The following ZMYM1 variants were observed in gnomAD, a reference collection of about 807,000 sequenced individuals.
The protein encoded by ZMYM1 is zinc finger MYM-type protein 1.
ZMYM1 carries 39 observed loss-of-function variants against 60.0 expected under a neutral mutation model. The ratio of observed to expected loss-of-function variants is 0.65; its 90% CI spans 0.50 to 0.85. The LOEUF (loss-of-function observed/expected upper bound fraction) is 0.85, where lower values mean the gene tolerates loss of function less well. ZMYM1 is among the 40% of genes least tolerant of loss of function. The pLI is 0.00. For synonymous variants in ZMYM1, 413 were observed against 454.0 expected, an observed-to-expected ratio of 0.91 and a Z score of 1.15; for missense variants, 1,171 against 1,309.5, an observed-to-expected ratio of 0.89 and a Z score of 1.63.
intron 1 of ZMYM1, among the ~76,000 whole-genome samples, chr1:35,073,069 G>A (rs2148479458): frequency 6.6e-6 from 1 of 150,434 alleles, no homozygotes; most frequent in Admixed American, 6.6e-5. Flanking sequence ...GTGACAGAGT[G>A]AGATTCCATC....
intron 1 of ZMYM1, among the ~76,000 whole-genome samples, chr1:35,089,906 CTTT>C (rs750848210): frequency 2.4e-5 from 3 of 126,660 alleles, no homozygotes; most frequent in Non-Finnish European, 3.4e-5. Context: ...ATATAAGGCT[CTTT>C]TTTTTTTTTT....
chr1:35,104,812 G>C, intron 6 of ZMYM1, 43 bp downstream of exon 6: 1 of 1,540,048 alleles, frequency 6.5e-7, no homozygotes, highest in Non-Finnish European at 8.9e-7. Context: ...ACTGGCCTAT[G>C]AATGGTTTCA....
chr1:35,099,267 C>G (rs970434890), intron 4 of ZMYM1, among the ~76,000 whole-genome samples: 1 of 152,156 alleles, frequency 6.6e-6, no homozygotes, highest in Non-Finnish European at 1.5e-5. Context: ...TTCAACCCTT[C>G]AATACTATAC....
chr1:35,060,539 TTCC>T (rs1641855131), intron 1 of ZMYM1, among the ~76,000 whole-genome samples: 1 of 152,082 alleles, frequency 6.6e-6, no homozygotes. Flanking sequence ...CCAGGAGGAA[TTCC>T]TGGAGGAAGG....
chr1:35,060,986 C>T (rs1045978021), intron 1 of ZMYM1, among the ~76,000 whole-genome samples: 1 of 152,186 alleles, frequency 6.6e-6, no homozygotes, highest in Admixed American at 6.5e-5. Context: ...AGGCCATGAG[C>T]CTGGCTAGGC....
intron 2 of ZMYM1, 69 bp downstream of exon 2, chr1:35,094,152 G>A (rs1459127282): frequency 2.5e-5 from 34 of 1,363,556 alleles, no homozygotes; most frequent in South Asian, 1.3e-5. Flanking sequence ...TTACAAAGGT[G>A]CTGAAATGAT....
chr1:35,107,637 T>A (rs1016486408), intron 6 of ZMYM1, among the ~76,000 whole-genome samples: 1 of 152,212 alleles, frequency 6.6e-6, no homozygotes, highest in African/African-American at 2.4e-5. Context: ...TCTACAATGT[T>A]AGTGAACTAT....
At position 35,093,996 on chromosome 1, in the gene ZMYM1, A is replaced by G. The variant is rs34613549; in HGVS notation, c.9A>G (p.Glu3=). 1 of 1,595,774 alleles carries G rather than the reference A, an allele frequency of 6.3e-7. No individual in the cohort carries two copies. The highest frequency in any genetic ancestry group is 1.4e-5 in the African/African-American group (1 of 73,968). Residue 3 remains glutamate, a synonymous_variant, in exon 2 of 10, where the codon GAA becomes GAG. Coordinates refer to ENST00000359858, the MANE Select transcript of ZMYM1 (RefSeq NM_024772.5). ...TTGCATCAGATACTAAAATGAAAGA[A>G]CCACTTTTAGGTGGTGAGTGTGACA... MK[E]PLLGGECDKA... is the part of the protein sequence containing the mutation.
chr1:35,081,633 A>G (rs867005623), intron 1 of ZMYM1, among the ~76,000 whole-genome samples: 22 of 152,172 alleles, frequency 1.4e-4, no homozygotes, highest in African/African-American at 5.1e-4. Flanking sequence ...TTTGATATTT[A>G]TGATGCTGCA....
At chr1:35,086,788 TTC>T (rs1358891487) in intron 1 of ZMYM1, among the ~76,000 whole-genome samples, 5 of 151,652 alleles carry the variant, frequency 3.3e-5, no homozygotes, top group Admixed American at 2.6e-4. Flanking sequence ...GTTTAAGCAA[TTC>T]TCTGCCTCAG....
At chr1:35,078,535 TAA>T (rs1642215538), upstream of ZMYM1, among the ~76,000 whole-genome samples, 1 of 144,700 alleles carries the variant, frequency 6.9e-6, no homozygotes, top group African/African-American at 2.7e-5. Flanking sequence ...GGGGTTATTT[TAA>T]TTTTTTTTTT....
intron 1 of ZMYM1, among the ~76,000 whole-genome samples, chr1:35,081,163 T>C (rs1363514280): frequency 6.6e-6 from 1 of 152,064 alleles, no homozygotes; most frequent in Non-Finnish European, 1.5e-5. Flanking sequence ...CGACCTCAGC[T>C]GATCCACCCT....
At chr1:35,083,093 T>G (rs910858101) in intron 1 of ZMYM1, among the ~76,000 whole-genome samples, 12 of 152,322 alleles carry the variant, frequency 7.9e-5, no homozygotes, top group African/African-American at 2.9e-4. Context: ...TATAGAATTT[T>G]AAGTAGATTT....
intron 1 of ZMYM1, among the ~76,000 whole-genome samples, chr1:35,092,752 C>G (rs746925892): frequency 3.3e-5 from 5 of 151,958 alleles, no homozygotes; most frequent in Non-Finnish European, 4.4e-5. Context: ...CTCAGCCTAC[C>G]GAGTAGCTGG....
chr1:35,088,263 C>G (rs1274631470), intron 1 of ZMYM1, among the ~76,000 whole-genome samples: 1 of 151,360 alleles, frequency 6.6e-6, no homozygotes, highest in Non-Finnish European at 1.5e-5. Flanking sequence ...ACTAAAAATA[C>G]AAAAATTAGC....
intron 1 of ZMYM1, among the ~76,000 whole-genome samples, chr1:35,080,310 G>C (rs1204504631): frequency 2.8e-5 from 4 of 145,298 alleles, no homozygotes; most frequent in Non-Finnish European, 6.0e-5. Context: ...ATATATTTGT[G>C]CTTCTTTTTT....
intron 1 of ZMYM1, among the ~76,000 whole-genome samples, chr1:35,086,607 T>C (rs34941865): frequency 6.6e-6 from 1 of 152,210 alleles, no homozygotes; most frequent in Non-Finnish European, 1.5e-5. Context: ...TTCATCGTCA[T>C]GCAGTTTCCT....
In ZMYM1 at chr1:35,115,399, CA is replaced by C. The variant is rs1187991468; in HGVS notation, c.*145del. On this transcript the variant is annotated 3_prime_UTR_variant, in exon 10 of 10. Coordinates refer to ENST00000359858, the MANE Select transcript of ZMYM1 (RefSeq NM_024772.5). ...TCCTTTAGAACTCATTTTCTCTTCC[CA>C]AAAAGTGTTATCTTTTCCTTAAATA... 2.8e-5 allele frequency: 29 copies of C among 1,035,926 alleles called. No homozygotes were observed. Among genetic ancestry groups the C allele is most frequent in the Non-Finnish European group, 3.8e-5 (28 of 746,274 alleles). 64.2% of individuals were successfully genotyped at this position (1,035,926 alleles called of 1,614,324 possible). A position where few individuals can be genotyped will look rare whatever the true frequency, so the allele number is the denominator to read the frequency against.
Position 35,094,024 on chromosome 1 carries a change from G to A in ZMYM1, c.37G>A (p.Ala13Thr). 3 of 1,610,908 alleles carry A rather than the reference G, an allele frequency of 1.9e-6. No homozygotes were observed. Among genetic ancestry groups the A allele is most frequent in the Non-Finnish European group, 2.5e-6 (3 of 1,178,260 alleles). ...EPLLGGECDK[A>T]VASQLGLLDE... ...ACTTTTAGGTGGTGAGTGTGACAAG[G>A]CAGTGGCATCACAGCTGGGGCTGCT... Residue 13 changes from alanine to threonine, a missense_variant, in exon 2 of 10, where the codon GCA (alanine) becomes ACA (threonine). Coordinates refer to ENST00000359858, the MANE Select transcript of ZMYM1 (RefSeq NM_024772.5).
Sources: gnomAD v4.1 joint callset for allele counts (sites outside exome capture counted in the v4.1 genomes callset) on GRCh38, gnomAD v4.1.1 for gene constraint, MANE v1.5 for transcripts, NCBI Gene and HGNC (gene_info 2026-07-23, HGNC 2026-07-21) for gene names.